Variants in MFSD1 observed in about 807,000 individuals in gnomAD.
MFSD1 encodes major facilitator superfamily domain containing 1, also known as lysosomal dipeptide transporter MFSD1.
Under a neutral mutation model 67.1 loss-of-function variants are expected in MFSD1, and 59 were observed. That is an observed-to-expected ratio of 0.88 (90% CI 0.71 to 1.09). The LOEUF (loss-of-function observed/expected upper bound fraction) is 1.09. Among genes scored for constraint, MFSD1 ranks in the 50% least tolerant of loss-of-function variants. The pLI, the probability that MFSD1 is intolerant of heterozygous loss-of-function variation, is 0.00. For missense variants in MFSD1, 552 were observed against 566.1 expected (o/e 0.97, Z 0.25); for synonymous variants, 213 against 200.3 (o/e 1.06, Z -0.54).
chr3:158,824,501 A>G (rs1054312498), intron 13 of MFSD1: 13 of 373,666 alleles, frequency 3.5e-5, no homozygotes, highest in Admixed American at 8.9e-5. Flanking sequence ...AAAGTGGAAC[A>G]ATTTGAAGAG....
At chr3:158,821,735 G>A (rs947892763) in intron 10 of MFSD1, 82 bp downstream of exon 10, 2 of 1,218,366 alleles carry the variant, frequency 1.6e-6, no homozygotes, top group African/African-American at 3.0e-5. Context: ...AAGCAAAAAA[G>A]ATGTATGTGA....
chr3:158,818,297 A>G (rs1730483849), intron 7 of MFSD1, among the ~76,000 whole-genome samples: 1 of 152,170 alleles, frequency 6.6e-6, no homozygotes, highest in Non-Finnish European at 1.5e-5. Flanking sequence ...TTGTGTAACA[A>G]TCAAATCAGA....
rs144855651 is a variant in MFSD1 at position 158,805,964 on chromosome 3, G to A, written c.329+490G>A. On this transcript the variant is annotated intron_variant, in intron 3 of 15. Transcript: ENST00000415822. Reference sequence around the variant, plus strand: ...GATTTTCTATTTCTGCTTTTCTTGGGGTGTAAAACATTTTGTGACCACTTC... The same window carrying A: ...GATTTTCTATTTCTGCTTTTCTTGGAGTGTAAAACATTTTGTGACCACTTC... Among the ~76,000 whole-genome samples, 317 of 152,258 alleles carry A rather than the reference G, an allele frequency of 2.1e-3. 1 individual carries two copies. Among genetic ancestry groups the A allele is most frequent in the Middle Eastern group, 0.017 (5 of 294 alleles).
At chr3:158,811,252 A>G (rs2108212698) in intron 6 of MFSD1, among the ~76,000 whole-genome samples, 1 of 152,088 alleles carries the variant, frequency 6.6e-6, no homozygotes, top group East Asian at 1.9e-4. Context: ...AGCTCTTGAT[A>G]CTCTGCCCAC....
chr3:158,827,976 G>GAGAGAGAGAGAGAGACAGAGAGAC (rs1553759912), intron 15 of MFSD1, among the ~76,000 whole-genome samples: 3 of 78,874 alleles, frequency 3.8e-5, no homozygotes, highest in African/African-American at 1.5e-4. Context: ...GAGAGAGAGA[G>GAGAGAGAGAGAGAGACAGAGAGAC]AGACAGAGAT....
chr3:158,825,106 G>T (rs1730897154), intron 13 of MFSD1: 1 of 152,098 alleles, frequency 6.6e-6, no homozygotes, highest in Admixed American at 6.5e-5. Context: ...ATGTATTTGG[G>T]TCTCAAAGCA....
chr3:158,823,327 A>T, intron 11 of MFSD1, 101 bp from the exon 12 acceptor site: 1 of 816,432 alleles, frequency 1.2e-6, no homozygotes, highest in Non-Finnish European at 2.2e-6. Context: ...GCTTGAATAT[A>T]TATATATTAA....
chr3:158,817,315 G>A (rs988666879), intron 7 of MFSD1, among the ~76,000 whole-genome samples: 13 of 152,208 alleles, frequency 8.5e-5, no homozygotes, highest in Admixed American at 3.9e-4. Flanking sequence ...AATTGTCCCT[G>A]TTTGCAGACA....
intron 7 of MFSD1, among the ~76,000 whole-genome samples, chr3:158,814,465 C>T (rs1301739451): frequency 6.6e-6 from 1 of 151,998 alleles, no homozygotes; most frequent in Non-Finnish European, 1.5e-5. Context: ...GGATTACAGG[C>T]TCCTGCCACC....
In MFSD1 at chr3:158,802,063, A is replaced by T. The variant is rs1380423705; in HGVS notation, c.-90A>T. 6.4e-7 allele frequency: 1 copy of T among 1,553,466 alleles called. No individual in the cohort carries two copies. On this transcript the variant is annotated 5_prime_UTR_variant, in exon 1 of 16. An upstream open reading frame in the 5' UTR loses its in-frame stop. Transcript: ENST00000415822. ...TCACGTGAGCTCCCGGAGTCATGTG[A>T]CCGCCGTCTTGACAGTGTTCCACGG...
chr3:158,819,778 G>C (rs748190666), intron 8 of MFSD1, 31 bp downstream of exon 8: 2 of 1,270,688 alleles, frequency 1.6e-6, no homozygotes, highest in Non-Finnish European at 2.3e-6. Context: ...GGGACTTAGG[G>C]GAATTACGGC....
At position 158,804,418 on chromosome 3, in the gene MFSD1, G is replaced by A. The variant is rs375179540; in HGVS notation, c.216+47G>A. The A allele has an allele frequency of 3.3e-6, 5 of 1,505,414 alleles. No individual in the cohort carries two copies. The African/African-American group carries it at 6.9e-5, about 21-fold the overall frequency. 93.3% of individuals were successfully genotyped at this position (1,505,414 alleles called of 1,614,324 possible). On this transcript the variant is annotated intron_variant, in intron 2 of 15. Transcript: ENST00000415822. ...GTTTCTTTTGTTTTCTTTAGAGCAA[G>A]TGTAGCGGTGGAGGCATTATCAACC...
chr3:158,809,088 A>G lies in MFSD1; in HGVS notation c.441-91A>G, dbSNP rs528495901. The G allele has an allele frequency of 2.6e-5, 24 of 907,292 alleles. No individual in the cohort carries two copies. In the South Asian group the frequency reaches 3.5e-4, roughly 13 times the overall value. The allele number at this position is 907,292 out of a possible 1,614,324, so 56.2% of individuals were successfully genotyped here. A position where few individuals can be genotyped will look rare whatever the true frequency, so the allele number is the denominator to read the frequency against. On this transcript the variant is annotated intron_variant, in intron 5 of 15. Coordinates refer to ENST00000415822, the MANE Select transcript of MFSD1 (RefSeq NM_022736.4). ...CAGAGGCCCCATCTCTTGATAGGAG[A>G]AGTGCCAACATTTTAAACCTGCTGC...
chr3:158,805,292 C>G, intron 2 of MFSD1, 70 bp from the exon 3 acceptor site: 1 of 1,201,440 alleles, frequency 8.3e-7, no homozygotes, highest in South Asian at 1.2e-5. Flanking sequence ...TTTAGATTGT[C>G]ATATTTTGAT....
intron 3 of MFSD1, 85 bp from the exon 4 acceptor site, chr3:158,806,955 T>G: frequency 8.7e-7 from 1 of 1,143,588 alleles, no homozygotes; most frequent in Admixed American, 2.3e-5. Flanking sequence ...AAGGACTTTG[T>G]GATTACTAAT....
At chr3:158,802,473 G>A in intron 1 of MFSD1, 158 bp downstream of exon 1, 1 of 872,406 alleles carries the variant, frequency 1.1e-6, no homozygotes, top group South Asian at 1.4e-5. Context: ...ATCGATTCCA[G>A]CCACACCTGT....
intron 7 of MFSD1, among the ~76,000 whole-genome samples, chr3:158,816,013 A>G (rs1179560958): frequency 6.6e-6 from 1 of 152,062 alleles, no homozygotes; most frequent in Non-Finnish European, 1.5e-5. Context: ...ATCGTATTCC[A>G]TGGTGTATAT....
intron 1 of MFSD1, 121 bp downstream of exon 1, chr3:158,802,436 C>G: frequency 8.9e-7 from 1 of 1,118,028 alleles, no homozygotes; most frequent in Non-Finnish European, 1.3e-6. Context: ...TCTTAAGCTC[C>G]TGGGCCTCCT....
chr3:158,807,783 T>G (rs1453246557), intron 5 of MFSD1, among the ~76,000 whole-genome samples: 1 of 152,210 alleles, frequency 6.6e-6, no homozygotes, highest in African/African-American at 2.4e-5. Context: ...AGACCATCGA[T>G]TTCTAGGTTG....
Sources: gnomAD v4.1 joint callset for allele counts (sites outside exome capture counted in the v4.1 genomes callset) on GRCh38, gnomAD v4.1.1 for gene constraint, MANE v1.5 for transcripts, NCBI Gene and HGNC (gene_info 2026-07-23, HGNC 2026-07-21) for gene names.